The following GFOD1 variants were observed in gnomAD, a reference collection of about 807,000 sequenced individuals.
GFOD1 encodes glucose-fructose oxidoreductase domain-containing protein 1.
GFOD1 carries 9 observed loss-of-function variants against 25.4 expected under a neutral mutation model. The observed-to-expected ratio is 0.35, with a 90% CI of 0.21 to 0.62. The LOEUF (loss-of-function observed/expected upper bound fraction) is 0.62, where lower values mean the gene tolerates loss of function less well. GFOD1 is among the 20% of genes least tolerant of loss of function. The probability of loss-of-function intolerance (pLI) is 0.72; values close to 1 mark genes in which losing one functional copy is unlikely to be tolerated. For missense variants in GFOD1, 403 were observed against 556.9 expected (o/e 0.72, Z 2.78); for synonymous variants, 253 against 245.6 (o/e 1.03, Z -0.28).
chr6:13,367,345 G>A (rs1785067928), intron 1 of GFOD1, among the ~76,000 whole-genome samples: 1 of 152,124 alleles, frequency 6.6e-6, no homozygotes, highest in Admixed American at 6.5e-5. Context: ...TATCATGCTT[G>A]TTTATTTTGC....
At chr6:13,444,405 A>G (rs1227304545) in intron 1 of GFOD1, among the ~76,000 whole-genome samples, 1 of 151,304 alleles carries the variant, frequency 6.6e-6, no homozygotes, top group East Asian at 1.9e-4. Context: ...AAAAAAAACT[A>G]TTGGGTACTA....
intron 1 of GFOD1, among the ~76,000 whole-genome samples, chr6:13,367,128 A>C (rs1785064238): frequency 6.6e-6 from 1 of 152,094 alleles, no homozygotes; most frequent in Non-Finnish European, 1.5e-5. Context: ...TTTTAGTAAA[A>C]GTGTATTATT....
At chr6:13,394,492 T>TTTTTTA (rs1785687447) in intron 1 of GFOD1, among the ~76,000 whole-genome samples, 2 of 145,726 alleles carry the variant, frequency 1.4e-5, no homozygotes, top group African/African-American at 2.6e-5. Context: ...TTTTTTTTTT[T>TTTTTTA]GAGACGAGGT....
rs1407778162 is a variant in GFOD1, at chr6:13,430,159, G to A, written c.253+56479C>T. ...CTTGCTTTTAAAATCCAGCCAGGCCGGGAGCAGTCGCTCATGCCTGTAACC... is the reference window on the plus strand; with the variant it reads ...CTTGCTTTTAAAATCCAGCCAGGCCAGGAGCAGTCGCTCATGCCTGTAACC... On this transcript the variant is annotated intron_variant, in intron 1 of 1. Transcript: ENST00000379287. This position sits in a 1 kb window ranked among gnomAD's most constrained non-coding sequence, Gnocchi z 4.1. 1.3e-5 allele frequency among the ~76,000 whole-genome samples: 2 copies of A among 152,198 alleles called. No homozygotes were observed. Among genetic ancestry groups the A allele is most frequent in the Non-Finnish European group, 2.9e-5 (2 of 68,032 alleles).
At chr6:13,425,018 G>A (rs937065283) in intron 1 of GFOD1, among the ~76,000 whole-genome samples, 10 of 148,196 alleles carry the variant, frequency 6.7e-5, no homozygotes, top group African/African-American at 2.5e-4. Flanking sequence ...GAGTGCAGTG[G>A]TGCAATCTAG....
chr6:13,374,728 CTTTTTTT>C (rs147560408), intron 1 of GFOD1, among the ~76,000 whole-genome samples: 8 of 66,780 alleles, frequency 1.2e-4, no homozygotes, highest in African/African-American at 3.2e-4. Flanking sequence ...CATCTCAAAT[CTTTTTTT>C]TTTTTTTTTT....
intron 1 of GFOD1, among the ~76,000 whole-genome samples, chr6:13,429,115 C>T (rs1193157427): frequency 1.3e-5 from 2 of 152,144 alleles, no homozygotes; most frequent in Admixed American, 1.3e-4. Flanking sequence ...AGAGGAAAGA[C>T]CCCAGCAGAA....
rs368758101 is a variant in GFOD1 at position 13,409,153 on chromosome 6, G to GA, written c.254-43492_254-43491insT. 1.6e-3 allele frequency among the ~76,000 whole-genome samples: 69 copies of GA among 44,504 alleles called. 3 individuals are homozygous for GA. Among genetic ancestry groups the GA allele is most frequent in the Middle Eastern group, 0.01 (1 of 96 alleles). The allele number at this position is 44,504 out of a possible 152,430, so 29.2% of individuals were successfully genotyped here. A position where few individuals can be genotyped will look rare whatever the true frequency, so the allele number is the denominator to read the frequency against. ...AGAAAGAAAGAAAGAAAGAAAGAGAGGAAAGAAAGAAAGGAAAGAGAGAGA... is the reference window on the plus strand; with the variant it reads ...AGAAAGAAAGAAAGAAAGAAAGAGAGAGAAAGAAAGAAAGGAAAGAGAGAGA... On this transcript the variant is annotated intron_variant, in intron 1 of 1. Transcript: ENST00000379287.
chr6:13,417,991 A>G (rs1378192835), intron 1 of GFOD1, among the ~76,000 whole-genome samples: 2 of 152,218 alleles, frequency 1.3e-5, no homozygotes. Flanking sequence ...TCCAAGTGAG[A>G]AAACAAAAAC....
intron 1 of GFOD1, among the ~76,000 whole-genome samples, chr6:13,428,718 A>T (rs1212424104): frequency 6.6e-6 from 1 of 152,134 alleles, no homozygotes; most frequent in Non-Finnish European, 1.5e-5. Context: ...GGGCGGCAGG[A>T]GTACTGCTTT....
chr6:13,387,553 G>A (rs1232232218), intron 1 of GFOD1, among the ~76,000 whole-genome samples: 2 of 152,084 alleles, frequency 1.3e-5, no homozygotes, highest in Admixed American at 6.6e-5. Context: ...AAAGGCCTTC[G>A]ACAAAATCCA....
intron 1 of GFOD1, chr6:13,486,257 C>CCCCA (rs1554207083): frequency 1.8e-5 from 5 of 277,532 alleles, no homozygotes; most frequent in African/African-American, 1.2e-4. Flanking sequence ...TCCCCCCCCC[C>CCCCA]CACACACACA....
intron 1 of GFOD1, among the ~76,000 whole-genome samples, chr6:13,458,410 T>G (rs1304784088): frequency 6.6e-6 from 1 of 152,054 alleles, no homozygotes; most frequent in Non-Finnish European, 1.5e-5. Context: ...AGCCCCCACG[T>G]CCAGCCTGTA....
At chr6:13,461,412 T>C (rs1758288132) in intron 1 of GFOD1, among the ~76,000 whole-genome samples, 1 of 152,202 alleles carries the variant, frequency 6.6e-6, no homozygotes, top group Non-Finnish European at 1.5e-5. Context: ...TCCAATGCCA[T>C]CTGAAACATG....
At chr6:13,429,745 T>G (rs1204973491) in intron 1 of GFOD1, among the ~76,000 whole-genome samples, 4 of 152,098 alleles carry the variant, frequency 2.6e-5, no homozygotes, top group Non-Finnish European at 5.9e-5. Flanking sequence ...GAACATAGAG[T>G]GTACCCTAGG....
In GFOD1 at chr6:13,478,449, A is replaced by T. The variant is rs372689373; in HGVS notation, c.253+8189T>A. On this transcript the variant is annotated intron_variant, in intron 1 of 1. Transcript: ENST00000379287. ...CATCACACCCAGCCGAAATGTCCAT[A>T]TTTGTAATAACTTCCACCATCTAGA... 3.0e-4 allele frequency among the ~76,000 whole-genome samples: 45 copies of T among 152,322 alleles called. 1 individual carries two copies. In the East Asian group the frequency reaches 4.2e-3, roughly 14 times the overall value.
At chr6:13,394,163 G>A (rs1353809192) in intron 1 of GFOD1, among the ~76,000 whole-genome samples, 2 of 152,060 alleles carry the variant, frequency 1.3e-5, no homozygotes, top group Admixed American at 1.3e-4. Flanking sequence ...GTACCTTGTT[G>A]TTAGTCACAC....
chr6:13,375,492 C>G (rs1046689535), intron 1 of GFOD1, among the ~76,000 whole-genome samples: 4 of 152,112 alleles, frequency 2.6e-5, no homozygotes, highest in Non-Finnish European at 5.9e-5. Context: ...AAGTTTCCAT[C>G]CTAATTTCAC....
intron 1 of GFOD1, among the ~76,000 whole-genome samples, chr6:13,428,385 G>A (rs1757682017): frequency 6.6e-6 from 1 of 152,208 alleles, no homozygotes; most frequent in Non-Finnish European, 1.5e-5. Flanking sequence ...TGGGGAGGAA[G>A]TGAGAAGGAT....
Sources: gnomAD v4.1 joint callset for allele counts (sites outside exome capture counted in the v4.1 genomes callset) on GRCh38, gnomAD v4.1.1 for gene constraint, Gnocchi (gnomAD v3.1) non-coding constraint, MANE v1.5 for transcripts, NCBI Gene and HGNC (gene_info 2026-07-23, HGNC 2026-07-21) for gene names.